Variants in NUMB observed in about 807,000 individuals in gnomAD.
The protein encoded by NUMB is NUMB endocytic adaptor protein.
A neutral mutation model predicts 59.7 loss-of-function variants in NUMB; 29 were observed. The observed-to-expected ratio is 0.49, with a 90% CI of 0.36 to 0.66. The LOEUF is 0.66. Ranked by LOEUF, NUMB falls within the 30% of genes least tolerant of loss-of-function variation. The pLI, the probability that NUMB is intolerant of heterozygous loss-of-function variation, is 0.00. For missense variants in NUMB, 723 were observed against 822.0 expected, an observed-to-expected ratio of 0.88 and a Z score of 1.47; for synonymous variants, 288 against 288.2, an observed-to-expected ratio of 1.00 and a Z score of 0.01.
At chr14:73,390,012 T>C (rs1363154458) in intron 2 of NUMB, among the ~76,000 whole-genome samples, 1 of 152,086 alleles carries the variant, frequency 6.6e-6, no homozygotes, top group Admixed American at 6.6e-5. Flanking sequence ...TAAAGAACAT[T>C]TTTAAAAAAT....
intron 1 of NUMB, among the ~76,000 whole-genome samples, chr14:73,427,427 C>T (rs10162365): frequency 0.33 from 49,306 of 151,478 alleles, 9,263 homozygotes; most frequent in African/African-American, 0.52. Flanking sequence ...ATCGCGTCAC[C>T]GTACTCCAGC....
intron 12 of NUMB, 109 bp from the exon 13 acceptor site, chr14:73,277,402 A>C: frequency 4.6e-6 from 4 of 863,064 alleles, no homozygotes; most frequent in Non-Finnish European, 7.0e-6. Flanking sequence ...TCCCCCCCTA[A>C]TGGGACATTT....
intron 4 of NUMB, among the ~76,000 whole-genome samples, chr14:73,337,711 A>G (rs1892411479): frequency 6.6e-6 from 1 of 152,236 alleles, no homozygotes; most frequent in African/African-American, 2.4e-5. Flanking sequence ...TAATATTCAT[A>G]GACTATATTA....
Position 73,276,610 on chromosome 14 carries a change from C to A in NUMB, c.1924G>T (p.Asp642Tyr). 6.2e-7 allele frequency: 1 copy of A among 1,613,670 alleles called. No homozygotes were observed. The highest frequency in any genetic ancestry group is 1.1e-5 in the South Asian group (1 of 91,052). Reference protein sequence around the residue: ...NPSPTNPFSSDLQKTFEIEL With the variant: ...NPSPTNPFSSYLQKTFEIEL ...TCAATTTCAAACGTCTTCTGTAAGT[C>A]ACTGGAGAAAGGGTTGGTAGGGGAG... Residue 642 changes from aspartate to tyrosine, a missense_variant, in exon 13 of 13, where the codon GAC becomes TAC. This residue lies in a region of NUMB where 406 missense variants were observed against 385.4 expected (regional missense o/e 1.05). Transcript: ENST00000555238.
At position 73,446,163 on chromosome 14, in the gene NUMB, A is replaced by G. The variant is rs369500408; in HGVS notation, c.-233+12330T>C. ...AAGCACTCCCCACCACACCCGGCTA[A>G]TTTTTGTATTTTTAGTAGAGATGAA... On this transcript the variant is annotated intron_variant, in intron 1 of 12. Coordinates refer to ENST00000555238, the MANE Select transcript of NUMB (RefSeq NM_001005743.2). 4.6e-4 allele frequency among the ~76,000 whole-genome samples: 70 copies of G among 151,910 alleles called. 1 individual carries two copies. The East Asian group carries it at 0.012, about 26-fold the overall frequency.
At chr14:73,458,074 T>C (rs1884538186) in intron 1 of NUMB, 1 of 150,048 alleles carries the variant, frequency 6.7e-6, no homozygotes, top group East Asian at 2.0e-4. Context: ...CAAGCCGTCC[T>C]GGGTATTCCC....
intron 2 of NUMB, among the ~76,000 whole-genome samples, chr14:73,383,010 G>C (rs779565961): frequency 5.9e-5 from 9 of 152,190 alleles, no homozygotes; most frequent in Non-Finnish European, 1.3e-4. Context: ...GCTAGGCGTG[G>C]TGGCACACAT....
chr14:73,289,140 T>A (rs994530450), intron 8 of NUMB, among the ~76,000 whole-genome samples: 2 of 150,640 alleles, frequency 1.3e-5, no homozygotes, highest in African/African-American at 5.0e-5. Context: ...GCTTTTAGGT[T>A]TTCCCCCATA....
intron 2 of NUMB, among the ~76,000 whole-genome samples, chr14:73,401,435 AACCAATAATG>A: frequency 6.6e-6 from 1 of 152,248 alleles, no homozygotes; most frequent in African/African-American, 2.4e-5. Context: ...GGTACTCATG[AACCAATAATG>A]ACTAACTGGC....
At chr14:73,376,879 C>T (rs1472330769) in intron 2 of NUMB, among the ~76,000 whole-genome samples, 2 of 152,148 alleles carry the variant, frequency 1.3e-5, no homozygotes, top group Non-Finnish European at 2.9e-5. Context: ...TGGTGAGACT[C>T]CCATCTCTAT....
At chr14:73,367,334 T>TAC (rs1387098865) in intron 2 of NUMB, among the ~76,000 whole-genome samples, 20 of 49,778 alleles carry the variant, frequency 4.0e-4, no homozygotes, top group African/African-American at 1.7e-3. Flanking sequence ...TATATACATA[T>TAC]ATATATATAT....
intron 2 of NUMB, among the ~76,000 whole-genome samples, chr14:73,380,004 C>G (rs1441562078): frequency 6.6e-6 from 1 of 152,082 alleles, no homozygotes. Flanking sequence ...AAACAGGGAA[C>G]CAGTTAGAAA....
intron 1 of NUMB, among the ~76,000 whole-genome samples, chr14:73,428,979 T>G (rs1307867097): frequency 1.3e-5 from 2 of 151,996 alleles, no homozygotes; most frequent in Non-Finnish European, 2.9e-5. Flanking sequence ...AATCAAGATA[T>G]AGAACAGATA....
At chr14:73,310,730 T>C (rs1372585960) in intron 6 of NUMB, among the ~76,000 whole-genome samples, 6 of 150,368 alleles carry the variant, frequency 4.0e-5, no homozygotes, top group Non-Finnish European at 8.8e-5. Flanking sequence ...AGAAAGTAGG[T>C]CAAAGCACAT....
intron 3 of NUMB, among the ~76,000 whole-genome samples, chr14:73,366,304 C>G (rs1027798371): frequency 3.3e-5 from 5 of 152,160 alleles, no homozygotes; most frequent in Non-Finnish European, 5.9e-5. Flanking sequence ...TTCTTTAGAT[C>G]TAACTTATTC....
intron 2 of NUMB, among the ~76,000 whole-genome samples, chr14:73,396,542 T>TTC: frequency 6.6e-6 from 1 of 151,986 alleles, no homozygotes; most frequent in Non-Finnish European, 1.5e-5. Context: ...TTTGTTGTTT[T>TTC]TTTGTTTTGG....
intron 4 of NUMB, among the ~76,000 whole-genome samples, chr14:73,342,195 C>T (rs1188795303): frequency 6.6e-6 from 1 of 152,254 alleles, no homozygotes; most frequent in African/African-American, 2.4e-5. Flanking sequence ...CTGTCCCTGG[C>T]CCCATTTCTT....
Position 73,320,047 on chromosome 14 carries a change from G to T in NUMB, c.201+3083C>A, listed in dbSNP as rs1294901164. On this transcript the variant is annotated intron_variant, in intron 5 of 12. Coordinates refer to ENST00000555238, the MANE Select transcript of NUMB (RefSeq NM_001005743.2). ...CTCGGGAGGCTGAGGCAGGAGAATT[G>T]CTTGAACCTGGGAGGCAGAGGTTGC... Among the ~76,000 whole-genome samples the T allele has an allele frequency of 4.6e-5, 7 of 152,188 alleles. No individual in the cohort carries two copies. The South Asian group carries it at 8.3e-4, about 18-fold the overall frequency.
In NUMB at chr14:73,287,179, G is replaced by T; in HGVS notation, c.586C>A (p.Arg196Ser). The change falls in exon 9 of 13, where the codon CGT becomes AGT. Residue 196 changes from arginine (R) to serine (S), a missense_variant. This residue lies in a region of NUMB where 317 missense variants were observed against 436.6 expected (regional missense o/e 0.73). Transcript: ENST00000555238. Reference protein sequence around the residue: ...RTTFTREGSFRVTTATEQAER... With the variant: ...RTTFTREGSFSVTTATEQAER... ...GCTTGTTCAGTGGCTGTTGTGACAC[G>T]GAATGATCCTTCTCTTGTAAAAGTG... 6.2e-7 allele frequency: 1 copy of T among 1,613,738 alleles called. No individual in the cohort carries two copies. The highest frequency in any genetic ancestry group is 1.1e-5 in the South Asian group (1 of 91,052).
Sources: gnomAD v4.1 joint callset for allele counts (sites outside exome capture counted in the v4.1 genomes callset) on GRCh38, gnomAD v4.1.1 for gene constraint, gnomAD v4.1.1 regional missense constraint, MANE v1.5 for transcripts, NCBI Gene and HGNC (gene_info 2026-07-23, HGNC 2026-07-21) for gene names.